The following LAMB4 variants were observed in gnomAD, a reference collection of about 807,000 sequenced individuals.
LAMB4 encodes laminin subunit beta-4.
LAMB4 carries 196 observed loss-of-function variants against 199.2 expected under a neutral mutation model. The ratio of observed to expected loss-of-function variants is 0.98; its 90% CI spans 0.88 to 1.11. The LOEUF (loss-of-function observed/expected upper bound fraction) is 1.11, where lower values mean the gene tolerates loss of function less well. Among genes scored for constraint, LAMB4 ranks in the 50% least tolerant of loss-of-function variants. The pLI is 0.00. For missense variants in LAMB4, 2,080 were observed against 2,171.2 expected, an observed-to-expected ratio of 0.96 and a Z score of 0.83; for synonymous variants, 744 against 770.6, an observed-to-expected ratio of 0.97 and a Z score of 0.57.
intron 5 of LAMB4, among the ~76,000 whole-genome samples, chr7:108,108,681 A>G (rs748336013): frequency 1.9e-4 from 28 of 151,200 alleles, no homozygotes; most frequent in Non-Finnish European, 3.7e-4. Flanking sequence ...TTTAAATTTC[A>G]TATTCATTTT....
rs144794613 is a variant in LAMB4 at position 108,049,371 on chromosome 7, T to A, written c.4077A>T (p.Arg1359Ser). The A allele has an allele frequency of 6.3e-7, 1 of 1,587,760 alleles. No homozygotes were observed. The highest frequency in any genetic ancestry group is 8.6e-7 in the Non-Finnish European group (1 of 1,158,162). The part of the protein sequence containing the change: ...LTSKGNLSLE[R>S]LKQIKIPDIQ... ...TATCTGGTATCTTAATCTGCTTTAA[T>A]CTTTCCAATGACAAGTTTCCTTTTG... The change falls in exon 27 of 34, where the codon AGA (arginine) becomes AGT (serine). Residue 1359 changes from arginine (R) to serine (S), a missense_variant. Arg to Ser is a moderately radical substitution (Grantham distance 110). Coordinates refer to ENST00000388781, the MANE Select transcript of LAMB4 (RefSeq NM_007356.3).
chr7:108,052,204 T>G lies in LAMB4; in HGVS notation c.3809A>C (p.Asp1270Ala). 1 of 1,611,638 alleles carries G rather than the reference T, an allele frequency of 6.2e-7. No individual in the cohort carries two copies. The highest frequency in any genetic ancestry group is 8.5e-7 in the Non-Finnish European group (1 of 1,178,796). Residue 1270 changes from aspartate to alanine, a missense_variant, in exon 26 of 34, where the codon GAT becomes GCT. Transcript: ENST00000388781. Reference protein sequence around the residue: ...EQLKAVYEFQDLKDTIERAKN... With the variant: ...EQLKAVYEFQALKDTIERAKN... The stretch of plus-strand genomic sequence containing the variant: ...TGCTCTTTCTATTGTATCTTTCAGA[T>G]CTTGAAATTCATACACTGCTTTCAG...
the LAMB4 span, among the ~76,000 whole-genome samples, chr7:108,012,553 TA>T: frequency 6.6e-6 from 1 of 152,224 alleles, no homozygotes; most frequent in African/African-American, 2.4e-5. Context: ...AATACAAATG[TA>T]AAGGTCTATA....
chr7:108,044,596 G>C (rs532760309), intron 28 of LAMB4, among the ~76,000 whole-genome samples: 187 of 152,330 alleles, frequency 1.2e-3, no homozygotes, highest in Middle Eastern at 3.4e-3. Flanking sequence ...AACAAGCTGA[G>C]CTTTATTGAA....
In LAMB4 at chr7:108,025,444, T is replaced by TCTTTCTTTCTTTCTTTTTTC. The variant is rs1563024896; in HGVS notation, c.5147-1267_5147-1266insGAAAAAAGAAAGAAAGAAAG. ...TCTTTCTTTCTTTCTTTTTTTTTTTTTGAGACAGAGTTTTGCTCTTGTTGC... is the reference window on the plus strand; with the variant it reads ...TCTTTCTTTCTTTCTTTTTTTTTTTTCTTTCTTTCTTTCTTTTTTCTGAGACAGAGTTTTGCTCTTGTTGC... On this transcript the variant is annotated intron_variant, in intron 33 of 33. Transcript: ENST00000388781. Among the ~76,000 whole-genome samples the TCTTTCTTTCTTTCTTTTTTC allele has an allele frequency of 2.6e-4, 31 of 118,470 alleles. 2 individuals carry two copies. The highest frequency in any genetic ancestry group is 1.5e-3 in the African/African-American group (22 of 14,870). The allele number at this position is 118,470 out of a possible 152,430, so 77.7% of individuals were successfully genotyped here.
chr7:108,036,788 A>T (rs1003262150), intron 30 of LAMB4, among the ~76,000 whole-genome samples: 2 of 151,680 alleles, frequency 1.3e-5, no homozygotes, highest in South Asian at 4.2e-4. Flanking sequence ...TATACCATAG[A>T]TATCATTTTC....
In LAMB4 at chr7:108,047,970, C is replaced by A. The variant is rs2150519782; in HGVS notation, c.4264G>T (p.Ala1422Ser). The A allele has an allele frequency of 6.2e-7, 1 of 1,614,100 alleles. No homozygotes were observed. Among genetic ancestry groups the A allele is most frequent in the Non-Finnish European group, 8.5e-7 (1 of 1,180,008 alleles). ...CGAATAATGGATTTTGCTTCCTGGGCTTTTTGGAGGGCATTCGTTGAGAGG... is the reference window on the plus strand; with the variant it reads ...CGAATAATGGATTTTGCTTCCTGGGATTTTTGGAGGGCATTCGTTGAGAGG... The part of the protein sequence containing the change: ...LTLSTNALQK[A>S]QEAKSIIRNL... The change falls in exon 28 of 34, where the codon GCC becomes TCC. Residue 1422 changes from alanine (A) to serine (S), a missense_variant. Transcript: ENST00000388781.
At chr7:108,126,110 C>T (rs1177657770) in intron 1 of LAMB4, among the ~76,000 whole-genome samples, 4 of 152,210 alleles carry the variant, frequency 2.6e-5, no homozygotes, top group African/African-American at 9.6e-5. Context: ...AATCACACAG[C>T]TTGCCAATAA....
chr7:108,080,035 G>A (rs1423396095), intron 14 of LAMB4, among the ~76,000 whole-genome samples: 2 of 152,180 alleles, frequency 1.3e-5, no homozygotes, highest in Non-Finnish European at 2.9e-5. Context: ...TCCGGGAAGC[G>A]ACTTTAATTT....
intron 2 of LAMB4, among the ~76,000 whole-genome samples, chr7:108,121,344 A>G (rs1263518392): frequency 6.6e-6 from 1 of 152,158 alleles, no homozygotes; most frequent in African/African-American, 2.4e-5. Context: ...TGTTGTCATA[A>G]TTTTCTCAAA....
intron 29 of LAMB4, 92 bp downstream of exon 29, chr7:108,043,660 A>C: frequency 2.0e-6 from 1 of 496,138 alleles, no homozygotes; most frequent in South Asian, 2.6e-5. Flanking sequence ...GCTCACTGCA[A>C]GCTCCGCCTC....
rs928577246 is a variant in LAMB4, at chr7:108,063,999, G to T, written c.2837-14C>A. The stretch of plus-strand genomic sequence containing the variant: ...CACACTGAGTACCTGAAAGAAAGTG[G>T]GAGGAAAAGGAATGGGGTGAGGTAT... On this transcript the variant is annotated splice_polypyrimidine_tract_variant and intron_variant, in intron 21 of 33. Transcript: ENST00000388781. 11 of 1,584,544 alleles carry T rather than the reference G, an allele frequency of 6.9e-6. No individual in the cohort carries two copies. Among genetic ancestry groups the T allele is most frequent in the Non-Finnish European group, 9.5e-6 (11 of 1,153,302 alleles).
chr7:108,030,681 A>T, intron 32 of LAMB4, 125 bp downstream of exon 32: 1 of 868,784 alleles, frequency 1.2e-6, no homozygotes, highest in Non-Finnish European at 1.8e-6. Flanking sequence ...TCAAAGATAT[A>T]CCATTGAGTC....
Position 108,037,504 on chromosome 7 carries a change from T to G in LAMB4, c.4563A>C (p.Glu1521Asp). The change falls in exon 30 of 34, where the codon GAA becomes GAC. Residue 1521 changes from glutamate (E) to aspartate (D), a missense_variant. Transcript: ENST00000388781. Reference sequence around the variant, plus strand: ...GCATATGTTTCTGTATTTTGACAAGTTCATCGGTTAGATTTTGGGATGGAA... The same window carrying G: ...GCATATGTTTCTGTATTTTGACAAGGTCATCGGTTAGATTTTGGGATGGAA... ...LPIPSQNLTDELVKIQKHMQL... is the reference protein window; with the variant it reads ...LPIPSQNLTDDLVKIQKHMQL... 6.2e-7 allele frequency: 1 copy of G among 1,614,138 alleles called. No homozygotes were observed. The highest frequency in any genetic ancestry group is 1.1e-5 in the South Asian group (1 of 91,076).
At chr7:108,105,474 C>T (rs971879583) in intron 8 of LAMB4, among the ~76,000 whole-genome samples, 1 of 152,184 alleles carries the variant, frequency 6.6e-6, no homozygotes, top group African/African-American at 2.4e-5. Flanking sequence ...TTGGCAAAAA[C>T]AGCACTTTTG....
intron 1 of LAMB4, among the ~76,000 whole-genome samples, chr7:108,126,538 G>A (rs1476745858): frequency 6.9e-6 from 1 of 144,282 alleles, no homozygotes; most frequent in Admixed American, 7.0e-5. Context: ...GTTGTAGGAT[G>A]TGTCAGAATT....
Position 108,109,264 on chromosome 7 carries a change from G to A in LAMB4, c.329-20C>T, listed in dbSNP as rs1255033644. On this transcript the variant is annotated intron_variant, in intron 4 of 33. Coordinates refer to ENST00000388781, the MANE Select transcript of LAMB4 (RefSeq NM_007356.3). ...CAAGACCTAAGGAAGAATCCAGAAA[G>A]AAGAAAATCAGTGATTTTGAGAGAC... is the stretch of plus-strand genomic sequence containing the variant. 3 of 1,573,824 alleles carry A rather than the reference G, an allele frequency of 1.9e-6. No homozygotes were observed. The highest frequency in any genetic ancestry group is 2.6e-6 in the Non-Finnish European group (3 of 1,145,610).
intron 24 of LAMB4, among the ~76,000 whole-genome samples, chr7:108,057,195 T>G (rs1388715172): frequency 6.6e-6 from 1 of 152,164 alleles, no homozygotes; most frequent in Non-Finnish European, 1.5e-5. Flanking sequence ...CTGACTTGAT[T>G]ATTTGCAGTT....
At chr7:108,069,682 G>A (rs780971114) in intron 18 of LAMB4, 26 bp downstream of exon 18, 2 of 1,601,012 alleles carry the variant, frequency 1.2e-6, no homozygotes, top group South Asian at 1.1e-5. Flanking sequence ...CAGTGCCTCA[G>A]TAGAGCCCAT....
Sources: allele counts gnomAD v4.1 joint callset (sites outside exome capture counted in the v4.1 genomes callset), GRCh38; gene constraint gnomAD v4.1.1; transcripts MANE v1.5; gene names NCBI Gene and HGNC (gene_info 2026-07-23, HGNC 2026-07-21).